MROH7: variants seen among roughly 807,000 people sequenced by gnomAD.
MROH7 encodes maestro heat like repeat family member 7.
MROH7 carries 113 observed loss-of-function variants against 129.2 expected under a neutral mutation model. That is an observed-to-expected ratio of 0.87 (90% confidence interval 0.75 to 1.02). The LOEUF (loss-of-function observed/expected upper bound fraction) is 1.02, where lower values mean the gene tolerates loss of function less well. Among genes scored for constraint, MROH7 ranks in the 50% least tolerant of loss-of-function variants. The probability of loss-of-function intolerance (pLI) is 0.00; values close to 1 mark genes in which losing one functional copy is unlikely to be tolerated. For synonymous variants in MROH7, 655 were observed against 667.9 expected, an observed-to-expected ratio of 0.98 and a Z score of 0.30; for missense variants, 1,601 against 1,671.3, an observed-to-expected ratio of 0.96 and a Z score of 0.73.
At chr1:54,686,516 C>A (rs1645151170) in intron 15 of MROH7, 68 bp downstream of exon 15, 2 of 1,450,416 alleles carry the variant, frequency 1.4e-6, no homozygotes, top group Non-Finnish European at 1.9e-6. Flanking sequence ...GTCAGAGCCT[C>A]CAAAAGTCTC....
chr1:54,673,316 T>A, intron 8 of MROH7, 130 bp downstream of exon 8: 1 of 684,132 alleles, frequency 1.5e-6, no homozygotes, highest in South Asian at 1.8e-5. Context: ...GTGAGTGTTC[T>A]GCCTCCCTGT....
chr1:54,679,494 C>T, intron 12 of MROH7, 55 bp downstream of exon 12: 3 of 1,553,826 alleles, frequency 1.9e-6, no homozygotes, highest in Non-Finnish European at 2.6e-6. Context: ...GGAGCTCCCC[C>T]CATGGCCTGC....
chr1:54,661,798 A>G (rs1644736180), intron 3 of MROH7, among the ~76,000 whole-genome samples: 1 of 151,306 alleles, frequency 6.6e-6, no homozygotes, highest in South Asian at 2.1e-4. Context: ...GTTTCGCCAC[A>G]TTGGCTAGGC....
intron 10 of MROH7, among the ~76,000 whole-genome samples, chr1:54,677,696 A>G (rs1645003976): frequency 6.6e-6 from 1 of 152,162 alleles, no homozygotes; most frequent in African/African-American, 2.4e-5. Flanking sequence ...GTATTCCTTG[A>G]GGAGATCCAG....
intron 21 of MROH7, among the ~76,000 whole-genome samples, chr1:54,704,849 G>A (rs1645506599): frequency 7.2e-6 from 1 of 139,314 alleles, no homozygotes; most frequent in Non-Finnish European, 1.5e-5. Flanking sequence ...CCCCAGGCTG[G>A]AGTGCAATGG....
intron 1 of MROH7, among the ~76,000 whole-genome samples, chr1:54,645,651 C>CT (rs780480424): frequency 0.033 from 3,614 of 109,978 alleles, 163 homozygotes; most frequent in African/African-American, 0.072. Flanking sequence ...TTCTTTCTTT[C>CT]TTTCTTTTTT....
At position 54,708,754 on chromosome 1, in the gene MROH7, G is replaced by C. The variant is rs536647216; in HGVS notation, c.3668-260G>C. On this transcript the variant is annotated intron_variant, in intron 22 of 23. Transcript: ENST00000421030. Reference sequence around the variant, plus strand: ...GAGCCCCAGCCTGGGTACTGGGCTAGCCTCAGGCTGCACTGTCAGGGTCAG... The same window carrying C: ...GAGCCCCAGCCTGGGTACTGGGCTACCCTCAGGCTGCACTGTCAGGGTCAG... 3.3e-5 allele frequency among the ~76,000 whole-genome samples: 5 copies of C among 152,320 alleles called. No homozygotes were observed. In the South Asian group the frequency reaches 1.0e-3, roughly 32 times the overall value.
At chr1:54,646,004 T>C (rs1644460913) in intron 1 of MROH7, among the ~76,000 whole-genome samples, 2 of 152,340 alleles carry the variant, frequency 1.3e-5, no homozygotes, top group Admixed American at 6.5e-5. Context: ...ACTCTGACAG[T>C]CCTGGCACAG....
At chr1:54,645,981 G>C (rs1644460578) in intron 1 of MROH7, among the ~76,000 whole-genome samples, 1 of 152,156 alleles carries the variant, frequency 6.6e-6, no homozygotes, top group Non-Finnish European at 1.5e-5. Context: ...AGAAGTTCTT[G>C]GCACTGTTCC....
At chr1:54,658,834 T>G (rs1478767676) in intron 3 of MROH7, among the ~76,000 whole-genome samples, 1 of 152,128 alleles carries the variant, frequency 6.6e-6, no homozygotes, top group Non-Finnish European at 1.5e-5. Context: ...CATTATGAAA[T>G]GCACCCATCC....
At chr1:54,691,664 G>A (rs1645238366) in intron 15 of MROH7, among the ~76,000 whole-genome samples, 1 of 151,898 alleles carries the variant, frequency 6.6e-6, no homozygotes, top group Admixed American at 6.6e-5. Context: ...AAATTAGCCG[G>A]GTGTGGTGGC....
chr1:54,658,282 C>T (rs1487165011), intron 3 of MROH7, among the ~76,000 whole-genome samples: 2 of 152,196 alleles, frequency 1.3e-5, no homozygotes, highest in Non-Finnish European at 2.9e-5. Context: ...CAAAAATAGA[C>T]CAACCATAAA....
At position 54,680,701 on chromosome 1, in the gene MROH7, C is replaced by G. The variant is rs147860216; in HGVS notation, c.2381+656C>G. 6.6e-5 allele frequency among the ~76,000 whole-genome samples: 10 copies of G among 152,250 alleles called. No homozygotes were observed. The East Asian group carries it at 1.9e-3, about 29-fold the overall frequency. On this transcript the variant is annotated intron_variant, in intron 13 of 23. Coordinates refer to ENST00000421030, the MANE Select transcript of MROH7 (RefSeq NM_001039464.4). ...GGTCAGTCTGGCCTCAGCCTCCCAC[C>G]CAGGAAATGCTCCCATGCTTTCTTT...
intron 17 of MROH7, chr1:54,697,885 G>C: frequency 2.0e-6 from 1 of 491,104 alleles, no homozygotes; most frequent in South Asian, 3.9e-5. Context: ...GGGCATTCCT[G>C]TGTCCACCAC....
At chr1:54,670,660 T>TG in intron 6 of MROH7, 84 bp downstream of exon 6, 110 of 1,061,340 alleles carry the variant, frequency 1.0e-4, no homozygotes, top group Middle Eastern at 2.2e-4. Flanking sequence ...CGCTGTACCC[T>TG]CCCCCAACCC....
At chr1:54,705,523 G>A (rs1645519249) in intron 21 of MROH7, among the ~76,000 whole-genome samples, 1 of 152,210 alleles carries the variant, frequency 6.6e-6, no homozygotes, top group African/African-American at 2.4e-5. Context: ...ATGGAGCTCT[G>A]CCTAAGGGCT....
At chr1:54,644,235 T>TG (rs1258959152) in intron 1 of MROH7, among the ~76,000 whole-genome samples, 1 of 101,236 alleles carries the variant, frequency 9.9e-6, no homozygotes. Context: ...TGGTTTTTTT[T>TG]GGGGGGTGGG....
chr1:54,709,128 T>C, intron 23 of MROH7, 52 bp downstream of exon 23: 1 of 1,554,774 alleles, frequency 6.4e-7, no homozygotes, highest in African/African-American at 1.4e-5. Flanking sequence ...AGACAGTGAG[T>C]AGAATCACAG....
chr1:54,709,321 C>T (rs1241778745), intron 23 of MROH7, among the ~76,000 whole-genome samples: 1 of 152,170 alleles, frequency 6.6e-6, no homozygotes, highest in Non-Finnish European at 1.5e-5. Context: ...CTGGTTCAAG[C>T]GATTCTCCTG....
Sources: allele counts gnomAD v4.1 joint callset (sites outside exome capture counted in the v4.1 genomes callset), GRCh38; gene constraint gnomAD v4.1.1; transcripts MANE v1.5; gene names NCBI Gene and HGNC (gene_info 2026-07-23, HGNC 2026-07-21).